Variants in MAML2 observed in about 807,000 individuals in gnomAD.
The protein encoded by MAML2 is mastermind-like protein 2.
MAML2 carries 22 observed loss-of-function variants against 96.1 expected under a neutral mutation model. The observed-to-expected ratio is 0.23, with a 90% CI of 0.16 to 0.33. The LOEUF is 0.33. MAML2 is among the 10% of genes least tolerant of loss of function. MAML2 has a pLI of 1.00. For synonymous variants in MAML2, 561 were observed against 521.3 expected (o/e 1.08, Z -1.04); for missense variants, 1,367 against 1,392.4 (o/e 0.98, Z 0.29).
At chr11:96,027,575 A>T (rs185215709) in intron 2 of MAML2, among the ~76,000 whole-genome samples, 55 of 152,314 alleles carry the variant, frequency 3.6e-4, no homozygotes, top group Middle Eastern at 3.4e-3. Context: ...GGGACCACAG[A>T]GGAAAGACAT....
chr11:96,149,665 C>T (rs939554801), intron 1 of MAML2, among the ~76,000 whole-genome samples: 83 of 151,192 alleles, frequency 5.5e-4, no homozygotes, highest in African/African-American at 1.4e-3. Flanking sequence ...ACCCAGTAGG[C>T]GGAGGTTGCA....
intron 1 of MAML2, among the ~76,000 whole-genome samples, chr11:96,116,013 G>A (rs1490133198): frequency 6.6e-6 from 1 of 152,120 alleles, no homozygotes; most frequent in East Asian, 1.9e-4. Context: ...CTCCAAAGCT[G>A]GTAAACTTTT....
chr11:96,256,022 C>T (rs1173103335), intron 1 of MAML2, among the ~76,000 whole-genome samples: 5 of 151,726 alleles, frequency 3.3e-5, no homozygotes, highest in Non-Finnish European at 7.4e-5. Flanking sequence ...TACAAGCGCC[C>T]GCCACCACAC....
chr11:96,298,886 CA>C (rs577581503), intron 1 of MAML2, among the ~76,000 whole-genome samples: 252 of 144,160 alleles, frequency 1.7e-3, no homozygotes, highest in African/African-American at 5.5e-3. Context: ...ACTAAAAATA[CA>C]AAAAAAAATT....
intron 1 of MAML2, among the ~76,000 whole-genome samples, chr11:96,095,082 G>T (rs1464706546): frequency 6.6e-6 from 1 of 152,098 alleles, no homozygotes; most frequent in Non-Finnish European, 1.5e-5. Context: ...CTTGCCCAGG[G>T]TCACACAGCT....
At chr11:96,082,374 G>A (rs1859540586) in intron 2 of MAML2, among the ~76,000 whole-genome samples, 1 of 152,124 alleles carries the variant, frequency 6.6e-6, no homozygotes, top group African/African-American at 2.4e-5. Context: ...GGTACTAGAG[G>A]GAGAAGAAAC....
intron 1 of MAML2, among the ~76,000 whole-genome samples, chr11:96,212,882 C>A (rs1861991792): frequency 6.6e-6 from 1 of 152,164 alleles, no homozygotes; most frequent in Admixed American, 6.5e-5. Flanking sequence ...TCTCTGCAGG[C>A]AAATTGCTTG....
rs776128331 is a variant in MAML2 at position 95,991,509 on chromosome 11, G to A, written c.2343+11C>T. On this transcript the variant is annotated intron_variant, in intron 3 of 4. Transcript: ENST00000524717. ...CAGGTTTGTTCAGTAGAAATTAAGA[G>A]AAAGTTTTACCGCGTCAGCCAGCAT... 10 of 1,613,090 alleles carry A rather than the reference G, an allele frequency of 6.2e-6. No homozygotes were observed. Among genetic ancestry groups the A allele is most frequent in the Non-Finnish European group, 8.5e-6 (10 of 1,179,154 alleles).
chr11:96,037,892 ATGG>A (rs1858743780), intron 2 of MAML2, among the ~76,000 whole-genome samples: 1 of 152,156 alleles, frequency 6.6e-6, no homozygotes, highest in Admixed American at 6.6e-5. Context: ...ACCCCAAGAG[ATGG>A]CTTGGCTAAT....
At chr11:96,192,573 C>T (rs938159607) in intron 1 of MAML2, among the ~76,000 whole-genome samples, 3 of 152,198 alleles carry the variant, frequency 2.0e-5, no homozygotes, top group African/African-American at 7.2e-5. Flanking sequence ...AATCATGTCC[C>T]TGTCTTCCAT....
intron 1 of MAML2, among the ~76,000 whole-genome samples, chr11:96,337,303 A>T (rs921965778): frequency 1.3e-5 from 2 of 152,194 alleles, no homozygotes; most frequent in African/African-American, 4.8e-5. Context: ...CCTCCCACTT[A>T]CAGCTCTCAA....
chr11:96,226,809 T>C (rs1200639571), intron 1 of MAML2, among the ~76,000 whole-genome samples: 1 of 152,236 alleles, frequency 6.6e-6, no homozygotes, highest in Non-Finnish European at 1.5e-5. Flanking sequence ...CTAAACTGCA[T>C]GCCATCTTAG....
rs527727446 is a variant in MAML2 at position 96,211,613 on chromosome 11, G to A, written c.514-118096C>T. 5.9e-5 allele frequency among the ~76,000 whole-genome samples: 9 copies of A among 152,228 alleles called. No homozygotes were observed. The East Asian group carries it at 7.7e-4, about 13-fold the overall frequency. Reference sequence around the variant, plus strand: ...AAGGGAAGATCAGAGGTATGGGGGCGTCTTTGAGGATGTCACACATCTGAT... The same window carrying A: ...AAGGGAAGATCAGAGGTATGGGGGCATCTTTGAGGATGTCACACATCTGAT... On this transcript the variant is annotated intron_variant, in intron 1 of 4. Transcript: ENST00000524717.
intron 2 of MAML2, among the ~76,000 whole-genome samples, chr11:96,076,800 A>G (rs566175961): frequency 6.6e-6 from 1 of 152,238 alleles, no homozygotes; most frequent in Non-Finnish European, 1.5e-5. Context: ...GCCACAGCTC[A>G]TACTTCTTGC....
chr11:96,265,673 C>T (rs1344105280), intron 1 of MAML2, among the ~76,000 whole-genome samples: 1 of 152,180 alleles, frequency 6.6e-6, no homozygotes, highest in Non-Finnish European at 1.5e-5. Flanking sequence ...GAGAGGAGCA[C>T]ATTGGCAGAG....
intron 1 of MAML2, among the ~76,000 whole-genome samples, chr11:96,146,619 A>G (rs1016903177): frequency 1.1e-4 from 17 of 152,164 alleles, no homozygotes; most frequent in African/African-American, 4.1e-4. Context: ...TCTCTGTGTA[A>G]AGGACCTCAA....
chr11:96,284,164 G>A (rs1863108389), intron 1 of MAML2, among the ~76,000 whole-genome samples: 1 of 152,124 alleles, frequency 6.6e-6, no homozygotes. Context: ...TCAAAATGTA[G>A]CCATTTCTTG....
chr11:96,220,743 T>C (rs563888298), intron 1 of MAML2, among the ~76,000 whole-genome samples: 2 of 152,282 alleles, frequency 1.3e-5, no homozygotes, highest in East Asian at 3.9e-4. Context: ...CAGTCAGACA[T>C]AGATTTAAAA....
chr11:95,980,756 T>C (rs1857724617), intron 4 of MAML2, among the ~76,000 whole-genome samples: 1 of 152,222 alleles, frequency 6.6e-6, no homozygotes, highest in African/African-American at 2.4e-5. Context: ...CCTTCGAATC[T>C]TTCATTTAAC....
Sources: gnomAD v4.1 joint callset for allele counts (sites outside exome capture counted in the v4.1 genomes callset) on GRCh38, gnomAD v4.1.1 for gene constraint, MANE v1.5 for transcripts, NCBI Gene and HGNC (gene_info 2026-07-23, HGNC 2026-07-21) for gene names.